The following KIRREL3 variants were observed in gnomAD, a reference collection of about 807,000 sequenced individuals.
The protein encoded by KIRREL3 is kirre like nephrin family adhesion molecule 3.
Under a neutral mutation model 89.7 loss-of-function variants are expected in KIRREL3, and 36 were observed. That is an observed-to-expected ratio of 0.40 (90% CI 0.31 to 0.53). KIRREL3 has a LOEUF of 0.53. Ranked by LOEUF, KIRREL3 falls within the 20% of genes least tolerant of loss-of-function variation. KIRREL3 has a pLI of 0.49. For missense variants in KIRREL3, 864 were observed against 1,056.6 expected, an observed-to-expected ratio of 0.82 and a Z score of 2.53; for synonymous variants, 445 against 441.4, an observed-to-expected ratio of 1.01 and a Z score of -0.10.
At chr11:126,613,670 A>C (rs1943222646) in intron 1 of KIRREL3, among the ~76,000 whole-genome samples, 1 of 152,136 alleles carries the variant, frequency 6.6e-6, no homozygotes, top group Non-Finnish European at 1.5e-5. Flanking sequence ...GAAAAAGAAA[A>C]TAAATGCCTT....
Position 126,454,802 on chromosome 11 carries a change from C to A in KIRREL3, c.848+1547G>T, listed in dbSNP as rs1307411629. The stretch of plus-strand genomic sequence containing the variant: ...CTGGAGTCCCCGGCTCAGAAGGGAC[C>A]CTGGAGGTCATCTGTTCTTTCTTCT... On this transcript the variant is annotated intron_variant, in intron 7 of 16. Transcript: ENST00000525144. The surrounding 1 kb of genome is among the most constrained non-coding windows in gnomAD (Gnocchi z 5.8). Among the ~76,000 whole-genome samples the A allele has an allele frequency of 1.3e-5, 2 of 152,064 alleles. No individual in the cohort carries two copies. The highest frequency in any genetic ancestry group is 2.9e-5 in the Non-Finnish European group (2 of 68,004).
At chr11:126,604,348 T>C (rs1170109974) in intron 1 of KIRREL3, among the ~76,000 whole-genome samples, 1 of 152,246 alleles carries the variant, frequency 6.6e-6, no homozygotes, top group East Asian at 1.9e-4. Context: ...ATTCCATACA[T>C]ACTGGCTGCA....
chr11:126,749,054 C>T (rs989371611), intron 1 of KIRREL3, among the ~76,000 whole-genome samples: 1 of 152,188 alleles, frequency 6.6e-6, no homozygotes, highest in African/African-American at 2.4e-5. Flanking sequence ...GTTGCGACCA[C>T]CTTCCCTGGA....
At chr11:126,524,767 C>A (rs547192115) in intron 3 of KIRREL3, among the ~76,000 whole-genome samples, 1 of 152,128 alleles carries the variant, frequency 6.6e-6, no homozygotes, top group Non-Finnish European at 1.5e-5. Context: ...CCTCAGTTTC[C>A]CTGTAGGAGA....
At chr11:126,425,473 G>A (rs1954904522) in intron 16 of KIRREL3, among the ~76,000 whole-genome samples, 165 bp downstream of exon 16, 1 of 152,206 alleles carries the variant, frequency 6.6e-6, no homozygotes, top group African/African-American at 2.4e-5. Context: ...CGTTGGGGTA[G>A]GGAGAGGAGG....
upstream of KIRREL3, chr11:127,001,224 A>C (rs1950306366): frequency 7.1e-6 from 1 of 140,160 alleles, no homozygotes; most frequent in Non-Finnish European, 1.5e-5. Flanking sequence ...GGACTTGGCC[A>C]ATGTGTGCAG....
intron 5 of KIRREL3, among the ~76,000 whole-genome samples, chr11:126,470,003 C>T (rs917417070): frequency 6.6e-6 from 1 of 152,360 alleles, no homozygotes; most frequent in African/African-American, 2.4e-5. Flanking sequence ...CTGGCGCTGC[C>T]GTTCCCGTCA....
In KIRREL3 at chr11:126,996,251, C is replaced by T. The variant is rs947457622; in HGVS notation, c.55+4204G>A. ...CTGATTCTTCTTCCTCTAGACAAGACGTCATCCCACATGGGGTTCTGGTAG... is the reference window on the plus strand; with the variant it reads ...CTGATTCTTCTTCCTCTAGACAAGATGTCATCCCACATGGGGTTCTGGTAG... On this transcript the variant is annotated intron_variant, in intron 1 of 16. Coordinates refer to ENST00000525144, the MANE Select transcript of KIRREL3 (RefSeq NM_032531.4). The surrounding 1 kb of genome is among the most constrained non-coding windows in gnomAD (Gnocchi z 4.7). Among the ~76,000 whole-genome samples, 14 of 152,218 alleles carry T rather than the reference C, an allele frequency of 9.2e-5. No individual in the cohort carries two copies. Among genetic ancestry groups the T allele is most frequent in the Non-Finnish European group, 1.9e-4 (13 of 68,048 alleles).
Position 126,579,990 on chromosome 11 carries a change from C to T in KIRREL3, c.56-17078G>A, listed in dbSNP as rs1430427265. Among the ~76,000 whole-genome samples, 1 of 151,984 alleles carries T rather than the reference C, an allele frequency of 6.6e-6. No individual in the cohort carries two copies. Among genetic ancestry groups the T allele is most frequent in the Non-Finnish European group, 1.5e-5 (1 of 67,998 alleles). ...CCTCCCGAGTAGCTGGGACTATAGG[C>T]GCCCGCCACCATGCCAAGCTAATTT... On this transcript the variant is annotated intron_variant, in intron 1 of 16. Transcript: ENST00000525144. The surrounding 1 kb of genome is among the most constrained non-coding windows in gnomAD (Gnocchi z 5.3).
At chr11:126,722,026 C>CA (rs1201671936) in intron 1 of KIRREL3, among the ~76,000 whole-genome samples, 1 of 152,204 alleles carries the variant, frequency 6.6e-6, no homozygotes, top group African/African-American at 2.4e-5. Flanking sequence ...CTTAGCATGG[C>CA]AGTCAAGGCT....
intron 6 of KIRREL3, among the ~76,000 whole-genome samples, chr11:126,461,196 G>A (rs563116765): frequency 1.3e-5 from 2 of 152,374 alleles, no homozygotes; most frequent in South Asian, 4.1e-4. Context: ...TGGAGCCGTC[G>A]TGGATGCTGG....
intron 7 of KIRREL3, among the ~76,000 whole-genome samples, chr11:126,450,797 GTGTC>G (rs1465344646): frequency 1.3e-5 from 2 of 151,672 alleles, no homozygotes; most frequent in South Asian, 2.1e-4. Flanking sequence ...GTGCATGTGT[GTGTC>G]TGCATGTGAA....
intron 1 of KIRREL3, among the ~76,000 whole-genome samples, chr11:126,767,347 T>C (rs1949856535): frequency 6.6e-6 from 1 of 152,184 alleles, no homozygotes; most frequent in Non-Finnish European, 1.5e-5. Flanking sequence ...GATCAAGCTA[T>C]AGAAACCTGA....
chr11:126,728,521 G>A (rs1592033342), intron 1 of KIRREL3, among the ~76,000 whole-genome samples: 1 of 152,280 alleles, frequency 6.6e-6, no homozygotes, highest in South Asian at 2.1e-4. Flanking sequence ...GGCCCCTGCG[G>A]AGCTCAGGGT....
chr11:126,781,703 C>T (rs533728318), intron 1 of KIRREL3, among the ~76,000 whole-genome samples: 9 of 152,312 alleles, frequency 5.9e-5, no homozygotes, highest in African/African-American at 9.6e-5. Flanking sequence ...AAACTCCCTT[C>T]GGCCCATGCA....
intron 1 of KIRREL3, among the ~76,000 whole-genome samples, chr11:126,688,967 C>T (rs1946770871): frequency 6.6e-6 from 1 of 151,082 alleles, no homozygotes; most frequent in South Asian, 2.1e-4. Flanking sequence ...TTTTTTTCCG[C>T]TCTCAATCTT....
intron 1 of KIRREL3, among the ~76,000 whole-genome samples, chr11:126,800,427 C>T (rs1950994794): frequency 6.6e-6 from 1 of 152,168 alleles, no homozygotes; most frequent in African/African-American, 2.4e-5. Context: ...CTGGAGGCTA[C>T]AGAAACGGTC....
At position 126,462,841 on chromosome 11, in the gene KIRREL3, T is replaced by G. The variant is rs1021556796; in HGVS notation, c.742+316A>C. ...CCAGCATCTCCACTCAGACTTCCCC[T>G]CCAACAGAGGGGCCACCGGCTAGGC... On this transcript the variant is annotated intron_variant, in intron 6 of 16. Transcript: ENST00000525144. This position sits in a 1 kb window ranked among gnomAD's most constrained non-coding sequence, Gnocchi z 4.8. Among the ~76,000 whole-genome samples, 1 of 151,972 alleles carries G rather than the reference T, an allele frequency of 6.6e-6. No homozygotes were observed. The highest frequency in any genetic ancestry group is 1.5e-5 in the Non-Finnish European group (1 of 67,970).
chr11:126,919,530 C>T (rs1368986515), intron 1 of KIRREL3, among the ~76,000 whole-genome samples: 2 of 152,214 alleles, frequency 1.3e-5, no homozygotes, highest in East Asian at 3.8e-4. Flanking sequence ...CACCCAAGGC[C>T]TGCAACACAT....
Sources: allele counts gnomAD v4.1 joint callset (sites outside exome capture counted in the v4.1 genomes callset), GRCh38; gene constraint gnomAD v4.1.1; non-coding constraint Gnocchi (gnomAD v3.1); transcripts MANE v1.5; gene names NCBI Gene and HGNC (gene_info 2026-07-23, HGNC 2026-07-21).